Variants in CACNA2D1 observed in about 807,000 individuals in gnomAD.
CACNA2D1 encodes calcium voltage-gated channel auxiliary subunit alpha2delta 1.
In CACNA2D1, 53 loss-of-function variants were observed where a neutral mutation model predicts 171.5. That is an observed-to-expected ratio of 0.31 (90% CI 0.25 to 0.39). The LOEUF is 0.39. Among genes scored for constraint, CACNA2D1 ranks in the 10% least tolerant of loss-of-function variants. CACNA2D1 has a pLI of 1.00. For synonymous variants in CACNA2D1, 442 were observed against 443.1 expected (o/e 1.00, Z 0.03); for missense variants, 903 against 1,299.8 (o/e 0.69, Z 4.69).
intron 4 of CACNA2D1, among the ~76,000 whole-genome samples, chr7:82,162,601 T>C (rs192261789): frequency 2.3e-3 from 348 of 151,968 alleles, no homozygotes; most frequent in African/African-American, 7.8e-3. Flanking sequence ...AAGAAAAATG[T>C]AGATGAATAT....
At chr7:82,219,386 TTAAA>T (rs1296287234) in intron 3 of CACNA2D1, among the ~76,000 whole-genome samples, 1 of 152,144 alleles carries the variant, frequency 6.6e-6, no homozygotes, top group African/African-American at 2.4e-5. Flanking sequence ...TCTGTATCAC[TTAAA>T]TGAAGACATC....
chr7:82,413,473 G>A (rs1350734105), intron 1 of CACNA2D1, among the ~76,000 whole-genome samples: 1 of 152,180 alleles, frequency 6.6e-6, no homozygotes, highest in Non-Finnish European at 1.5e-5. Context: ...CAGGACAATG[G>A]CTGACATTGG....
intron 16 of CACNA2D1, 72 bp downstream of exon 16, chr7:82,007,607 T>G: frequency 1.2e-6 from 1 of 840,506 alleles, no homozygotes; most frequent in Non-Finnish European, 2.0e-6. Flanking sequence ...TATGGAAATA[T>G]CTTATCCATG....
intron 3 of CACNA2D1, among the ~76,000 whole-genome samples, chr7:82,330,851 T>G (rs1364326599): frequency 1.3e-5 from 2 of 152,128 alleles, no homozygotes; most frequent in Admixed American, 1.3e-4. Context: ...GGAATGTAGA[T>G]CTTGAAGCCA....
intron 3 of CACNA2D1, among the ~76,000 whole-genome samples, chr7:82,289,470 A>T (rs1386136813): frequency 6.6e-6 from 1 of 152,230 alleles, no homozygotes; most frequent in South Asian, 2.1e-4. Context: ...GGTAGGTAAA[A>T]ATGGGACTAG....
chr7:82,105,526 G>C (rs1356223010), intron 6 of CACNA2D1, among the ~76,000 whole-genome samples: 1 of 150,718 alleles, frequency 6.6e-6, no homozygotes, highest in Non-Finnish European at 1.5e-5. Flanking sequence ...CTTATAAAAG[G>C]TGTAGATTAA....
At chr7:82,121,191 A>G (rs1292481343) in intron 5 of CACNA2D1, among the ~76,000 whole-genome samples, 2 of 152,056 alleles carry the variant, frequency 1.3e-5, no homozygotes, top group African/African-American at 2.4e-5. Context: ...TGCTGGGACT[A>G]CAGGTGCATT....
chr7:82,298,784 C>G (rs192891996), intron 3 of CACNA2D1, among the ~76,000 whole-genome samples: 1 of 151,886 alleles, frequency 6.6e-6, no homozygotes, highest in Non-Finnish European at 1.5e-5. Flanking sequence ...AAAAATAGGC[C>G]GGGCACAGTG....
chr7:82,203,904 G>A (rs969892691), intron 3 of CACNA2D1, among the ~76,000 whole-genome samples: 1 of 152,210 alleles, frequency 6.6e-6, no homozygotes, highest in African/African-American at 2.4e-5. Context: ...GGGACGCACA[G>A]ACATCCACTT....
At chr7:82,383,115 C>T (rs1823895827) in intron 1 of CACNA2D1, among the ~76,000 whole-genome samples, 1 of 152,128 alleles carries the variant, frequency 6.6e-6, no homozygotes, top group African/African-American at 2.4e-5. Context: ...GGTATATTTA[C>T]ACATTTGCCG....
chr7:82,355,080 A>C (rs1820271903), intron 1 of CACNA2D1, among the ~76,000 whole-genome samples: 1 of 152,160 alleles, frequency 6.6e-6, no homozygotes, highest in Non-Finnish European at 1.5e-5. Context: ...CTGATAACTT[A>C]TGAATATGCT....
At chr7:82,316,970 A>G (rs1160442512) in intron 3 of CACNA2D1, among the ~76,000 whole-genome samples, 1 of 152,166 alleles carries the variant, frequency 6.6e-6, no homozygotes, top group Non-Finnish European at 1.5e-5. Flanking sequence ...ACACAGCCAA[A>G]CCATATCAAT....
chr7:82,151,696 A>ATT (rs1301974932), intron 4 of CACNA2D1, among the ~76,000 whole-genome samples: 7 of 152,112 alleles, frequency 4.6e-5, no homozygotes, highest in Non-Finnish European at 8.8e-5. Flanking sequence ...CCAATTACAG[A>ATT]GTTGTCTACA....
At chr7:82,395,682 G>T (rs1016255860) in intron 1 of CACNA2D1, among the ~76,000 whole-genome samples, 1 of 152,174 alleles carries the variant, frequency 6.6e-6, no homozygotes, top group African/African-American at 2.4e-5. Context: ...TTAATAGTCT[G>T]AAGGAAGTTG....
At chr7:82,076,310 G>A (rs1322736225) in intron 7 of CACNA2D1, among the ~76,000 whole-genome samples, 1 of 152,056 alleles carries the variant, frequency 6.6e-6, no homozygotes, top group East Asian at 1.9e-4. Flanking sequence ...AGAAAACCAC[G>A]TAATATGAAA....
At chr7:81,964,741 A>G (rs902773830) in intron 32 of CACNA2D1, among the ~76,000 whole-genome samples, 36 of 151,904 alleles carry the variant, frequency 2.4e-4, no homozygotes, top group African/African-American at 8.5e-4. Flanking sequence ...ACAACAGAGG[A>G]CTGTAGTTAA....
intron 3 of CACNA2D1, among the ~76,000 whole-genome samples, chr7:82,222,105 T>C (rs929051703): frequency 1.3e-5 from 2 of 152,218 alleles, no homozygotes; most frequent in African/African-American, 4.8e-5. Context: ...ATGGGGTTTC[T>C]GCAGGAGGCA....
intron 3 of CACNA2D1, among the ~76,000 whole-genome samples, chr7:82,208,360 A>T (rs564660220): frequency 6.6e-6 from 1 of 152,304 alleles, no homozygotes; most frequent in East Asian, 1.9e-4. Context: ...AGAAAGCTAT[A>T]GAATTTACAT....
At chr7:82,323,407 A>G (rs1459634878) in intron 3 of CACNA2D1, among the ~76,000 whole-genome samples, 1 of 152,176 alleles carries the variant, frequency 6.6e-6, no homozygotes, top group Non-Finnish European at 1.5e-5. Flanking sequence ...TAGAAAGAAC[A>G]CTGTACAAGT....
Sources: allele counts gnomAD v4.1 joint callset (sites outside exome capture counted in the v4.1 genomes callset), GRCh38; gene constraint gnomAD v4.1.1; transcripts MANE v1.5; gene names NCBI Gene and HGNC (gene_info 2026-07-23, HGNC 2026-07-21).